CEMIP2: variants seen among roughly 807,000 people sequenced by gnomAD.
CEMIP2 encodes cell migration inducing hyaluronidase 2.
Under a neutral mutation model 146.9 loss-of-function variants are expected in CEMIP2, and 79 were observed. The observed-to-expected ratio is 0.54, with a 90% confidence interval of 0.45 to 0.65. The LOEUF is 0.65. Ranked by LOEUF, CEMIP2 falls within the 30% of genes least tolerant of loss-of-function variation. The pLI is 0.00. For synonymous variants in CEMIP2, 601 were observed against 606.3 expected (o/e 0.99, Z 0.13); for missense variants, 1,596 against 1,696.2 (o/e 0.94, Z 1.04).
At chr9:71,746,826 G>C (rs1388368471) in intron 2 of CEMIP2, among the ~76,000 whole-genome samples, 1 of 152,132 alleles carries the variant, frequency 6.6e-6, no homozygotes, top group Non-Finnish European at 1.5e-5. Flanking sequence ...AGTAAGTACT[G>C]ATAGCACCTC....
intron 17 of CEMIP2, among the ~76,000 whole-genome samples, chr9:71,706,656 T>A (rs1822749769): frequency 1.3e-5 from 2 of 152,172 alleles, no homozygotes; most frequent in East Asian, 3.8e-4. Flanking sequence ...TAACCACATA[T>A]TTATAGAAAC....
chr9:71,718,184 C>G, intron 12 of CEMIP2, 105 bp from the exon 13 acceptor site: 1 of 1,084,456 alleles, frequency 9.2e-7, no homozygotes, highest in Non-Finnish European at 1.2e-6. Context: ...TTGACCAAAA[C>G]AAATGAAAAA....
At chr9:71,755,562 A>G (rs916391454) in intron 1 of CEMIP2, among the ~76,000 whole-genome samples, 2 of 151,980 alleles carry the variant, frequency 1.3e-5, no homozygotes, top group Non-Finnish European at 2.9e-5. Context: ...TAAAAAATAA[A>G]ATTAAATAAA....
intron 20 of CEMIP2, among the ~76,000 whole-genome samples, chr9:71,696,329 G>A (rs1191132842): frequency 6.6e-6 from 1 of 152,094 alleles, no homozygotes; most frequent in Non-Finnish European, 1.5e-5. Context: ...TATCAGCCTG[G>A]CAAGGAATCA....
intron 1 of CEMIP2, among the ~76,000 whole-genome samples, chr9:71,759,736 G>A (rs1824568939): frequency 6.7e-6 from 1 of 150,074 alleles, no homozygotes; most frequent in Non-Finnish European, 1.5e-5. Flanking sequence ...GTTCGGATGT[G>A]GTTAGATTTT....
intron 1 of CEMIP2, among the ~76,000 whole-genome samples, chr9:71,759,308 GAAA>G (rs138377205): frequency 6.7e-6 from 1 of 150,326 alleles, no homozygotes. Flanking sequence ...CTTCCTTAAA[GAAA>G]AAAAAAATCT....
At chr9:71,725,263 C>T (rs78338840) in intron 11 of CEMIP2, among the ~76,000 whole-genome samples, 9,569 of 152,232 alleles carry the variant, frequency 0.063, 395 homozygotes, top group Non-Finnish European at 0.082. Context: ...TAGGTCATAA[C>T]GGATTCGCCC....
At position 71,730,630 on chromosome 9, in the gene CEMIP2, A is replaced by C. The variant is rs1823587826; in HGVS notation, c.1773+75T>G. ...GTGGCTAAACAGTTTACATATATAAAATTGAGAAGACATGAGAATTAAAGA... is the reference window on the plus strand; with the variant it reads ...GTGGCTAAACAGTTTACATATATAACATTGAGAAGACATGAGAATTAAAGA... On this transcript the variant is annotated intron_variant, in intron 8 of 23. Coordinates refer to ENST00000377044, the MANE Select transcript of CEMIP2 (RefSeq NM_013390.3). The C allele has an allele frequency of 8.2e-6, 12 of 1,463,656 alleles. 1 individual carries two copies. In the South Asian group the frequency reaches 1.5e-4, roughly 18 times the overall value. The allele number at this position is 1,463,656 out of a possible 1,614,324, so 90.7% of individuals were successfully genotyped here.
At chr9:71,696,557 G>A (rs1266097494) in intron 20 of CEMIP2, among the ~76,000 whole-genome samples, 1 of 151,718 alleles carries the variant, frequency 6.6e-6, no homozygotes, top group Non-Finnish European at 1.5e-5. Context: ...GATCACTTGA[G>A]GTCAGGAGTT....
intron 18 of CEMIP2, chr9:71,704,305 T>G: frequency 2.8e-6 from 1 of 360,248 alleles, no homozygotes; most frequent in Admixed American, 4.2e-5. Context: ...CTACTTCCCA[T>G]CCCAGCTAGA....
chr9:71,755,605 C>A (rs1430674755), intron 1 of CEMIP2, among the ~76,000 whole-genome samples: 1 of 151,678 alleles, frequency 6.6e-6, no homozygotes, highest in Non-Finnish European at 1.5e-5. Context: ...TAAAATTGAG[C>A]TATTCTCATT....
chr9:71,742,107 A>G (rs1823938242), intron 4 of CEMIP2, among the ~76,000 whole-genome samples: 1 of 152,240 alleles, frequency 6.6e-6, no homozygotes, highest in Non-Finnish European at 1.5e-5. Context: ...TAGAAAAAAA[A>G]TAACAAATGT....
chr9:71,683,735 T>G lies in CEMIP2; in HGVS notation c.*1462A>C, dbSNP rs1187153840. ...GGTAGCACTTTGAGGTAGCATATTT[T>G]GTAAAGTCACAGGGCTGCTCTGCAG... On this transcript the variant is annotated 3_prime_UTR_variant, in exon 24 of 24. Transcript: ENST00000377044. 2.0e-5 allele frequency: 3 copies of G among 152,630 alleles called. No homozygotes were observed. The highest frequency in any genetic ancestry group is 4.4e-5 in the Non-Finnish European group (3 of 68,038). 9.5% of individuals were successfully genotyped at this position (152,630 alleles called of 1,614,324 possible). A position where few individuals can be genotyped will look rare whatever the true frequency, so the allele number is the denominator to read the frequency against.
intron 12 of CEMIP2, among the ~76,000 whole-genome samples, chr9:71,721,045 CAT>C (rs2131936437): frequency 6.6e-6 from 1 of 152,114 alleles, no homozygotes; most frequent in African/African-American, 2.4e-5. Flanking sequence ...TATATACACA[CAT>C]ATATTCACAT....
intron 21 of CEMIP2, among the ~76,000 whole-genome samples, chr9:71,693,019 TG>T (rs1822279153): frequency 6.6e-6 from 1 of 152,192 alleles, no homozygotes; most frequent in Non-Finnish European, 1.5e-5. Context: ...GTTCCGGAGC[TG>T]GATGGTAGTG....
At chr9:71,766,195 A>G (rs531929438) in intron 1 of CEMIP2, among the ~76,000 whole-genome samples, 294 of 151,020 alleles carry the variant, frequency 1.9e-3, no homozygotes, top group Admixed American at 3.2e-3. Flanking sequence ...CAGCCTCCCG[A>G]GTAGCTGGGA....
At chr9:71,738,107 A>G (rs1823811276) in intron 5 of CEMIP2, among the ~76,000 whole-genome samples, 1 of 150,952 alleles carries the variant, frequency 6.6e-6, no homozygotes, top group African/African-American at 2.4e-5. Context: ...CAAAACAAGC[A>G]GGTTAAGAAC....
intron 3 of CEMIP2, among the ~76,000 whole-genome samples, chr9:71,745,959 C>CTA (rs1466313250): frequency 6.6e-6 from 1 of 152,166 alleles, no homozygotes; most frequent in African/African-American, 2.4e-5. Flanking sequence ...GTTTCCTTGT[C>CTA]TATAAATCAG....
intron 2 of CEMIP2, among the ~76,000 whole-genome samples, chr9:71,746,825 T>G (rs73483500): frequency 0.023 from 3,469 of 152,270 alleles, 127 homozygotes; most frequent in African/African-American, 0.077. Flanking sequence ...AAGTAAGTAC[T>G]GATAGCACCT....
Sources: allele counts gnomAD v4.1 joint callset (sites outside exome capture counted in the v4.1 genomes callset), GRCh38; gene constraint gnomAD v4.1.1; transcripts MANE v1.5; gene names NCBI Gene and HGNC (gene_info 2026-07-23, HGNC 2026-07-21).